Variants in TARDBP observed in about 807,000 individuals in gnomAD.
TARDBP encodes the protein TAR DNA-binding protein 43.
TARDBP carries 4 observed loss-of-function variants against 38.3 expected under a neutral mutation model. The ratio of observed to expected loss-of-function variants is 0.10; its 90% CI spans 0.05 to 0.24. TARDBP has a LOEUF of 0.24. Among genes scored for constraint, TARDBP ranks in the 10% least tolerant of loss-of-function variants. The pLI is 1.00. For synonymous variants in TARDBP, 184 were observed against 183.8 expected (o/e 1.00, Z -0.01); for missense variants, 202 against 521.9 (o/e 0.39, Z 5.97).
At position 11,025,418 on chromosome 1, in the gene TARDBP, A is replaced by G. The variant is rs1187614719; in HGVS notation, c.*2764A>G. 2.0e-5 allele frequency: 3 copies of G among 152,222 alleles called. No homozygotes were observed. Among genetic ancestry groups the G allele is most frequent in the East Asian group, 1.9e-4 (1 of 5,202 alleles). The allele number at this position is 152,222 out of a possible 1,614,324, so 9.4% of individuals were successfully genotyped here. On this transcript the variant is annotated 3_prime_UTR_variant, in exon 6 of 6. Transcript: ENST00000240185. ...GGCAAAGATTTGTTTTTAAAAATCT[A>G]TTTGGTCAATCTAAATGCATTCATT... is the stretch of plus-strand genomic sequence containing the variant.
chr1:11,016,875 T>G lies in TARDBP; in HGVS notation c.270T>G (p.Ala90=). ...AAAGAAAAATGGATGAGACAGATGC[T>G]TCATCAGCAGTGAAAGTGAAAAGAG... ...DNKRKMDETD[A]SSAVKVKRAV... The change falls in exon 3 of 6, where the codon GCT becomes GCG. Residue 90 remains alanine, a synonymous_variant. Transcript: ENST00000240185. The G allele has an allele frequency of 6.2e-7, 1 of 1,614,176 alleles. No homozygotes were observed. Among genetic ancestry groups the G allele is most frequent in the Non-Finnish European group, 8.5e-7 (1 of 1,180,042 alleles).
rs1476085631 is a variant in TARDBP, at chr1:11,024,478, T to G, written c.*1824T>G. 1.3e-5 allele frequency: 2 copies of G among 152,662 alleles called. No homozygotes were observed. Among genetic ancestry groups the G allele is most frequent in the African/African-American group, 4.8e-5 (2 of 41,452 alleles). 9.5% of individuals were successfully genotyped at this position (152,662 alleles called of 1,614,324 possible). ...GGGGGAGTGGGCAAAATGTTGATTA[T>G]TTTCTAATGCTTTGTAGCAAAGCAT... On this transcript the variant is annotated 3_prime_UTR_variant, in exon 6 of 6. Transcript: ENST00000240185.
intron 2 of TARDBP, among the ~76,000 whole-genome samples, chr1:11,016,616 CA>C (rs913766597): frequency 2.6e-5 from 4 of 152,114 alleles, no homozygotes; most frequent in African/African-American, 7.2e-5. Context: ...GGAAATGCTA[CA>C]AAAAACAAAC....
chr1:11,018,649 A>G (rs1453189217), intron 3 of TARDBP, 84 bp from the exon 4 acceptor site: 1 of 1,598,402 alleles, frequency 6.3e-7, no homozygotes, highest in African/African-American at 1.3e-5. Context: ...AAACCATTCA[A>G]ATTGTTTTCT....
chr1:11,030,320 C>G (rs1643822803), downstream of TARDBP: 1 of 1,085,928 alleles, frequency 9.2e-7, no homozygotes, highest in Non-Finnish European at 1.4e-6. Context: ...CTTGAATACC[C>G]CCTTGAAAAA....
At chr1:11,030,095 C>T (rs775599889), downstream of TARDBP, 29 of 993,742 alleles carry the variant, frequency 2.9e-5, no homozygotes, top group Non-Finnish European at 4.3e-5. Context: ...CTGCCTACCA[C>T]AGCTAAAGCT....
At chr1:11,026,698 A>G (rs556349169), downstream of TARDBP, 17 of 438,456 alleles carry the variant, frequency 3.9e-5, no homozygotes, top group Middle Eastern at 5.9e-4. Flanking sequence ...CCTTGAGTCA[A>G]TGGGTAAGGC....
At chr1:11,014,099 A>C (rs558199441) in intron 2 of TARDBP, 134 bp downstream of exon 2, 1 of 897,076 alleles carries the variant, frequency 1.1e-6, no homozygotes, top group South Asian at 1.3e-5. Flanking sequence ...AGTGTTAGAC[A>C]AGTTTGGAAG....
downstream of TARDBP, chr1:11,027,101 G>A: frequency 6.2e-7 from 1 of 1,607,568 alleles, no homozygotes; most frequent in Non-Finnish European, 8.5e-7. Context: ...CACAAAGCAT[G>A]TTAGCAGTTA....
At position 11,024,645 on chromosome 1, in the gene TARDBP, G is replaced by C. The variant is rs1211641819; in HGVS notation, c.*1991G>C. 2 of 152,612 alleles carry C rather than the reference G, an allele frequency of 1.3e-5. No individual in the cohort carries two copies. Among genetic ancestry groups the C allele is most frequent in the Non-Finnish European group, 2.9e-5 (2 of 68,012 alleles). The allele number at this position is 152,612 out of a possible 1,614,324, so 9.5% of individuals were successfully genotyped here. The stretch of plus-strand genomic sequence containing the variant: ...AGAGGCCTGATAGCTTTAAGAATTA[G>C]GGTGGGTTGTCTGTCTGGAAGTGTT... On this transcript the variant is annotated 3_prime_UTR_variant, in exon 6 of 6. Transcript: ENST00000240185.
intron 2 of TARDBP, among the ~76,000 whole-genome samples, chr1:11,015,061 C>G (rs1012211273): frequency 6.7e-6 from 1 of 150,240 alleles, no homozygotes; most frequent in Non-Finnish European, 1.5e-5. Context: ...AAGCTGAGGT[C>G]GCGCCGCTAC....
intron 5 of TARDBP, among the ~76,000 whole-genome samples, chr1:11,021,388 A>G (rs188414776): frequency 6.0e-5 from 9 of 151,068 alleles, no homozygotes; most frequent in Admixed American, 2.6e-4. Context: ...TGATCTGCCC[A>G]TCTCAGCCTC....
intron 2 of TARDBP, among the ~76,000 whole-genome samples, chr1:11,014,931 C>T (rs543873484): frequency 1.7e-5 from 2 of 117,186 alleles, no homozygotes; most frequent in South Asian, 6.8e-4. Flanking sequence ...AGCGAAACTC[C>T]GTCTCAAAAC....
chr1:11,016,012 A>G (rs1446735340), intron 2 of TARDBP: 1 of 152,016 alleles, frequency 6.6e-6, no homozygotes, highest in African/African-American at 2.4e-5. Flanking sequence ...ATCTTGGCTC[A>G]CTGCAACCTC....
intron 5 of TARDBP, among the ~76,000 whole-genome samples, chr1:11,020,869 A>C (rs1379431449): frequency 6.6e-6 from 1 of 151,990 alleles, no homozygotes; most frequent in Non-Finnish European, 1.5e-5. Context: ...AACTGAGATC[A>C]CACCACTGCA....
chr1:11,017,401 C>CA (rs1193516972), intron 3 of TARDBP, among the ~76,000 whole-genome samples: 3 of 151,968 alleles, frequency 2.0e-5, no homozygotes, highest in African/African-American at 7.2e-5. Context: ...AGGGTTTCAC[C>CA]CGTTGGCCAG....
intron 5 of TARDBP, 141 bp downstream of exon 5, chr1:11,020,740 T>C: frequency 1.3e-6 from 1 of 744,524 alleles, no homozygotes; most frequent in South Asian, 1.8e-5. Flanking sequence ...ACCCCGTCTC[T>C]ATTAAAATAC....
At chr1:11,027,354 T>C (rs201361542), downstream of TARDBP, 11 of 1,614,208 alleles carry the variant, frequency 6.8e-6, no homozygotes, top group East Asian at 2.5e-4. Flanking sequence ...TGCTATGTCA[T>C]TGTCAAAGCC....
At chr1:11,029,957 A>G (rs79393073), downstream of TARDBP, 3,525 of 417,402 alleles carry the variant, frequency 8.4e-3, 110 homozygotes, top group African/African-American at 0.067. Context: ...GCCTAGTTAT[A>G]AGGTCAAAGA....
Sources: gnomAD v4.1 joint callset for allele counts (sites outside exome capture counted in the v4.1 genomes callset) on GRCh38, gnomAD v4.1.1 for gene constraint, MANE v1.5 for transcripts, NCBI Gene and HGNC (gene_info 2026-07-23, HGNC 2026-07-21) for gene names.